FHIT: variants seen among roughly 807,000 people sequenced by gnomAD.
The protein encoded by FHIT is fragile histidine triad diadenosine triphosphatase.
A neutral mutation model predicts 17.9 loss-of-function variants in FHIT; 19 were observed. That is an observed-to-expected ratio of 1.06 (90% CI 0.74 to 1.56). The LOEUF is 1.56. FHIT is among the 40% of genes most tolerant of loss of function. FHIT has a pLI of 0.00. For synonymous variants in FHIT, 81 were observed against 69.7 expected (o/e 1.16, Z -0.81); for missense variants, 248 against 189.2 (o/e 1.31, Z -1.82).
intron 4 of FHIT, among the ~76,000 whole-genome samples, chr3:60,621,983 TA>T: frequency 6.6e-6 from 1 of 152,048 alleles, no homozygotes; most frequent in Non-Finnish European, 1.5e-5. Context: ...TAGGGAGAAT[TA>T]ACCCTCTGCA....
chr3:59,926,376 G>A (rs141211939), intron 7 of FHIT, among the ~76,000 whole-genome samples: 84 of 152,294 alleles, frequency 5.5e-4, no homozygotes, highest in African/African-American at 1.9e-3. Context: ...TAATGGACAA[G>A]ACAAAGCCTC....
chr3:60,904,850 A>C lies in FHIT; in HGVS notation c.-110-82839T>G, dbSNP rs565340337. 8.6e-5 allele frequency among the ~76,000 whole-genome samples: 13 copies of C among 151,710 alleles called. No homozygotes were observed. In the South Asian group the frequency reaches 2.5e-3, roughly 29 times the overall value. On this transcript the variant is annotated intron_variant, in intron 3 of 9. Transcript: ENST00000492590. ...AGCTACTCAGGAGGCTGAGGCAGAG[A>C]ATTGCTTGAACCCGGGAGGCGGAGG... is the stretch of plus-strand genomic sequence containing the variant.
At chr3:60,587,080 A>C (rs552549524) in intron 4 of FHIT, among the ~76,000 whole-genome samples, 7 of 151,954 alleles carry the variant, frequency 4.6e-5, no homozygotes, top group Non-Finnish European at 1.0e-4. Context: ...TCTCTATCAG[A>C]AAAGTAATCA....
chr3:60,415,621 T>C (rs1430881064), intron 5 of FHIT, among the ~76,000 whole-genome samples: 1 of 151,932 alleles, frequency 6.6e-6, no homozygotes, highest in Non-Finnish European at 1.5e-5. Context: ...AGAGAATCCC[T>C]AACTTAAAGT....
chr3:60,861,261 TATC>T (rs377025172), intron 3 of FHIT, among the ~76,000 whole-genome samples: 7 of 103,746 alleles, frequency 6.7e-5, no homozygotes, highest in Non-Finnish European at 1.3e-4. Context: ...ACATATGATA[TATC>T]ATATCATATA....
intron 3 of FHIT, among the ~76,000 whole-genome samples, chr3:60,846,883 G>T (rs1559767515): frequency 6.6e-6 from 1 of 151,954 alleles, no homozygotes; most frequent in Non-Finnish European, 1.5e-5. Context: ...GAGTGCAGTG[G>T]CATGATCTCA....
intron 2 of FHIT, among the ~76,000 whole-genome samples, chr3:61,112,825 C>T (rs537033345): frequency 1.5e-4 from 23 of 152,118 alleles, no homozygotes; most frequent in Non-Finnish European, 2.6e-4. Flanking sequence ...AACAGACTAA[C>T]GGTCAAGAGG....
At chr3:60,973,394 T>A (rs1398330753) in intron 3 of FHIT, among the ~76,000 whole-genome samples, 1 of 152,120 alleles carries the variant, frequency 6.6e-6, no homozygotes, top group East Asian at 1.9e-4. Context: ...TACTCCTGTA[T>A]CAGATATTTT....
At chr3:59,856,541 T>C (rs920824511) in intron 8 of FHIT, among the ~76,000 whole-genome samples, 2 of 152,216 alleles carry the variant, frequency 1.3e-5, no homozygotes, top group Admixed American at 6.5e-5. Flanking sequence ...CAAAGGAATA[T>C]AGATGCAGAC....
intron 4 of FHIT, among the ~76,000 whole-genome samples, chr3:60,556,520 G>A (rs564757383): frequency 4.5e-4 from 68 of 152,274 alleles, no homozygotes; most frequent in African/African-American, 1.6e-3. Flanking sequence ...CACTTGACCT[G>A]CATTTGCTCA....
rs778844440 is a variant in FHIT, at chr3:59,893,859, A to G, written c.348+28487T>C. On this transcript the variant is annotated intron_variant, in intron 8 of 9. Coordinates refer to ENST00000492590, the MANE Select transcript of FHIT (RefSeq NM_002012.4). ...TTGATGGGCAAAGAGTTTTCATCTC[A>G]AATGCCTCTCTGATCAACTAGCAGT... Among the ~76,000 whole-genome samples the G allele has an allele frequency of 4.6e-5, 7 of 152,232 alleles. No homozygotes were observed. In the East Asian group the frequency reaches 1.3e-3, roughly 29 times the overall value.
At chr3:61,237,267 C>A (rs1465264639) in intron 1 of FHIT, among the ~76,000 whole-genome samples, 1 of 152,132 alleles carries the variant, frequency 6.6e-6, no homozygotes, top group Non-Finnish European at 1.5e-5. Context: ...TCTAAGCTTT[C>A]CTTTGATGAC....
intron 7 of FHIT, among the ~76,000 whole-genome samples, chr3:59,932,837 T>C (rs1706043082): frequency 6.6e-6 from 1 of 152,162 alleles, no homozygotes; most frequent in Non-Finnish European, 1.5e-5. Context: ...GTTACTGCCA[T>C]GTGGAGGGAA....
chr3:60,127,072 C>A (rs115208463), intron 5 of FHIT, among the ~76,000 whole-genome samples: 1,662 of 152,300 alleles, frequency 0.011, 16 homozygotes, highest in Non-Finnish European at 0.016. Flanking sequence ...CTGGTGAGAT[C>A]AGGTACCTTA....
At chr3:60,311,884 T>G (rs1287574720) in intron 5 of FHIT, among the ~76,000 whole-genome samples, 1 of 150,680 alleles carries the variant, frequency 6.6e-6, no homozygotes, top group Non-Finnish European at 1.5e-5. Flanking sequence ...AATCAATTAG[T>G]CCAACCCACA....
At chr3:60,008,735 G>A (rs1700016001) in intron 7 of FHIT, among the ~76,000 whole-genome samples, 1 of 152,228 alleles carries the variant, frequency 6.6e-6, no homozygotes, top group South Asian at 2.1e-4. Context: ...GTGCAACTGT[G>A]TGAATTCCAA....
chr3:60,466,668 T>C (rs1037133503), intron 5 of FHIT, among the ~76,000 whole-genome samples: 11 of 152,156 alleles, frequency 7.2e-5, no homozygotes, highest in African/African-American at 2.4e-4. Flanking sequence ...TGATGTATCA[T>C]TGATTGATTT....
rs573254167 is a variant in FHIT, at chr3:60,600,433, C to T, written c.-17-63454G>A. ...GGCAGGATTACAGAATCACACTCCC[C>T]ACCTCCACCCTGCAAGAAACTAATT... On this transcript the variant is annotated intron_variant, in intron 4 of 9. Transcript: ENST00000492590. 8.3e-4 allele frequency among the ~76,000 whole-genome samples: 127 copies of T among 152,210 alleles called. No individual in the cohort carries two copies. The Middle Eastern group carries it at 0.017, about 20-fold the overall frequency.
At chr3:59,770,219 C>A (rs539792603) in intron 8 of FHIT, among the ~76,000 whole-genome samples, 1 of 152,158 alleles carries the variant, frequency 6.6e-6, no homozygotes, top group Non-Finnish European at 1.5e-5. Flanking sequence ...CTCATCGAAT[C>A]GTCCTAACAA....
Sources: gnomAD v4.1 joint callset for allele counts (sites outside exome capture counted in the v4.1 genomes callset) on GRCh38, gnomAD v4.1.1 for gene constraint, MANE v1.5 for transcripts, NCBI Gene and HGNC (gene_info 2026-07-23, HGNC 2026-07-21) for gene names.